ME3: variants seen among roughly 807,000 people sequenced by gnomAD.
ME3 encodes NADP-dependent malic enzyme, mitochondrial.
A neutral mutation model predicts 68.9 loss-of-function variants in ME3; 48 were observed. That is an observed-to-expected ratio of 0.70 (90% CI 0.55 to 0.89). ME3 has a LOEUF of 0.89. Ranked by LOEUF, ME3 falls within the 40% of genes least tolerant of loss-of-function variation. ME3 has a pLI of 0.00. For synonymous variants in ME3, 320 were observed against 318.8 expected (o/e 1.00, Z -0.04); for missense variants, 675 against 797.4 (o/e 0.85, Z 1.85).
At chr11:86,483,701 G>A (rs1565841914) in intron 7 of ME3, among the ~76,000 whole-genome samples, 1 of 152,254 alleles carries the variant, frequency 6.6e-6, no homozygotes, top group South Asian at 2.1e-4. Context: ...TGTATTTAGG[G>A]TTTGGGAACT....
chr11:86,499,169 T>A (rs1952558010), intron 5 of ME3, among the ~76,000 whole-genome samples: 1 of 151,904 alleles, frequency 6.6e-6, no homozygotes, highest in Non-Finnish European at 1.5e-5. Flanking sequence ...CAAAAGAAAG[T>A]TAAAATCCAG....
intron 2 of ME3, among the ~76,000 whole-genome samples, chr11:86,629,221 C>T (rs1232837100): frequency 6.6e-6 from 1 of 152,158 alleles, no homozygotes; most frequent in East Asian, 1.9e-4. Flanking sequence ...AGTTCATGTC[C>T]CTGAACTTGT....
chr11:86,580,028 T>C (rs964866431), intron 2 of ME3, among the ~76,000 whole-genome samples: 1 of 152,042 alleles, frequency 6.6e-6, no homozygotes, highest in African/African-American at 2.4e-5. Context: ...CTTTCTGAGA[T>C]AGAATCTAAT....
chr11:86,604,817 T>C (rs1231402960), intron 2 of ME3, among the ~76,000 whole-genome samples: 1 of 152,226 alleles, frequency 6.6e-6, no homozygotes, highest in African/African-American at 2.4e-5. Context: ...AATTATTAGT[T>C]ACAGTAAGTT....
intron 7 of ME3, among the ~76,000 whole-genome samples, chr11:86,468,080 A>T (rs1950585305): frequency 6.6e-6 from 1 of 151,994 alleles, no homozygotes; most frequent in South Asian, 2.1e-4. Context: ...AGGATTTCAC[A>T]CTGTCCCATC....
At chr11:86,490,660 C>T (rs1374494059) in intron 6 of ME3, among the ~76,000 whole-genome samples, 1 of 152,146 alleles carries the variant, frequency 6.6e-6, no homozygotes, top group Non-Finnish European at 1.5e-5. Flanking sequence ...CTCTCTGAAG[C>T]ACATACATAC....
chr11:86,570,207 G>C (rs1957709760), intron 2 of ME3, among the ~76,000 whole-genome samples: 1 of 152,202 alleles, frequency 6.6e-6, no homozygotes, highest in Non-Finnish European at 1.5e-5. Context: ...GTCATGCTCT[G>C]AGCTGACTGC....
At chr11:86,588,750 T>C (rs1340025186) in intron 2 of ME3, among the ~76,000 whole-genome samples, 1 of 152,188 alleles carries the variant, frequency 6.6e-6, no homozygotes. Context: ...CCCCTGTTAA[T>C]GGGCTCAATT....
At chr11:86,515,984 C>T (rs1284521452) in intron 4 of ME3, among the ~76,000 whole-genome samples, 3 of 152,102 alleles carry the variant, frequency 2.0e-5, no homozygotes, top group African/African-American at 7.2e-5. Context: ...ACTAAACATC[C>T]TGCAGTGAGT....
chr11:86,629,947 T>G (rs907394635), intron 2 of ME3, among the ~76,000 whole-genome samples: 1 of 152,158 alleles, frequency 6.6e-6, no homozygotes, highest in Non-Finnish European at 1.5e-5. Context: ...TGAGGTGGTA[T>G]GAAGCATGCA....
At chr11:86,455,839 C>T (rs192583920) in intron 8 of ME3, among the ~76,000 whole-genome samples, 7 of 152,200 alleles carry the variant, frequency 4.6e-5, no homozygotes, top group African/African-American at 1.7e-4. Flanking sequence ...TCAAAAGAAA[C>T]ACCAAGCTGA....
chr11:86,464,075 C>T (rs1417155205), intron 8 of ME3: 2 of 447,342 alleles, frequency 4.5e-6, no homozygotes, highest in Non-Finnish European at 4.4e-6. Context: ...TTAGATCTAT[C>T]CCTGACTCAC....
intron 6 of ME3, among the ~76,000 whole-genome samples, chr11:86,488,866 G>A (rs754083072): frequency 7.2e-5 from 11 of 152,198 alleles, no homozygotes; most frequent in Non-Finnish European, 1.3e-4. Context: ...GGAACAAAGT[G>A]TGGCACATGG....
intron 4 of ME3, among the ~76,000 whole-genome samples, chr11:86,527,209 G>A (rs11234677): frequency 0.072 from 10,922 of 152,222 alleles, 474 homozygotes; most frequent in Non-Finnish European, 0.1. Flanking sequence ...CGAGAACTAC[G>A]TGACGAATGC....
chr11:86,444,534 G>A (rs1949176159), intron 13 of ME3, among the ~76,000 whole-genome samples: 1 of 152,158 alleles, frequency 6.6e-6, no homozygotes, highest in African/African-American at 2.4e-5. Context: ...GGCTAGATAT[G>A]CATCTAGAAA....
intron 5 of ME3, among the ~76,000 whole-genome samples, chr11:86,505,953 T>G (rs1953045093): frequency 1.3e-5 from 2 of 152,162 alleles, no homozygotes; most frequent in South Asian, 4.2e-4. Flanking sequence ...TCCTCTGGGG[T>G]CCTCTCTTTG....
At chr11:86,477,423 T>C (rs1565832853) in intron 7 of ME3, among the ~76,000 whole-genome samples, 3 of 152,212 alleles carry the variant, frequency 2.0e-5, no homozygotes, top group Admixed American at 1.3e-4. Flanking sequence ...TGTGAAGTGC[T>C]TGTATCAGTG....
At chr11:86,497,328 G>T (rs972045399) in intron 6 of ME3, among the ~76,000 whole-genome samples, 2 of 152,162 alleles carry the variant, frequency 1.3e-5, no homozygotes, top group African/African-American at 4.8e-5. Context: ...AATTAAGAGG[G>T]AATCCTTGGA....
chr11:86,483,050 T>C (rs187112557), intron 7 of ME3, among the ~76,000 whole-genome samples: 29 of 152,260 alleles, frequency 1.9e-4, no homozygotes, highest in Non-Finnish European at 2.6e-4. Flanking sequence ...GAATCTTATC[T>C]CCTTGTTTTT....
Sources: allele counts gnomAD v4.1 joint callset (sites outside exome capture counted in the v4.1 genomes callset), GRCh38; gene constraint gnomAD v4.1.1; transcripts MANE v1.5; gene names NCBI Gene and HGNC (gene_info 2026-07-23, HGNC 2026-07-21).